CCSER1: variants seen among roughly 807,000 people sequenced by gnomAD.
CCSER1 encodes serine-rich coiled-coil domain-containing protein 1.
Under a neutral mutation model 82.0 loss-of-function variants are expected in CCSER1, and 41 were observed. The ratio of observed to expected loss-of-function variants is 0.50; its 90% CI spans 0.39 to 0.65. The LOEUF (loss-of-function observed/expected upper bound fraction) is 0.65. Ranked by LOEUF, CCSER1 falls within the 30% of genes least tolerant of loss-of-function variation. The pLI is 0.00. For missense variants in CCSER1, 1,119 were observed against 1,064.2 expected (o/e 1.05, Z -0.72); for synonymous variants, 414 against 383.9 (o/e 1.08, Z -0.92).
In CCSER1 at chr4:90,797,564, T is replaced by C. The variant is rs1756212546; in HGVS notation, c.2011-18198T>C. 2.6e-5 allele frequency among the ~76,000 whole-genome samples: 4 copies of C among 152,212 alleles called. No homozygotes were observed. In the South Asian group the frequency reaches 6.2e-4, roughly 24 times the overall value. The stretch of plus-strand genomic sequence containing the variant: ...GCTACTTGTTTATGTGGTTGCTTCA[T>C]AGTGTCACTGATCTGTAATTTAGTT... On this transcript the variant is annotated intron_variant, in intron 7 of 10. Coordinates refer to ENST00000509176, the MANE Select transcript of CCSER1 (RefSeq NM_001145065.2).
chr4:90,766,151 A>G (rs529854136), intron 7 of CCSER1, among the ~76,000 whole-genome samples: 33 of 152,306 alleles, frequency 2.2e-4, no homozygotes, highest in Non-Finnish European at 3.5e-4. Flanking sequence ...GACTTGTCAT[A>G]TGCCAAAATC....
At chr4:91,091,057 C>T (rs1251135472) in intron 10 of CCSER1, among the ~76,000 whole-genome samples, 3 of 152,180 alleles carry the variant, frequency 2.0e-5, no homozygotes, top group Non-Finnish European at 4.4e-5. Context: ...GACCAGTACC[C>T]ACATTTTTTT....
chr4:90,909,742 G>T (rs1027384907), intron 8 of CCSER1, among the ~76,000 whole-genome samples: 1 of 152,042 alleles, frequency 6.6e-6, no homozygotes, highest in Admixed American at 6.6e-5. Flanking sequence ...TATTAAACTA[G>T]AAGAAATGGA....
intron 10 of CCSER1, among the ~76,000 whole-genome samples, chr4:91,300,804 G>A (rs1243975198): frequency 2.0e-5 from 3 of 151,812 alleles, no homozygotes; most frequent in Non-Finnish European, 4.4e-5. Flanking sequence ...TAACATGAAT[G>A]ATATATGATA....
chr4:90,485,957 A>T (rs1766972802), intron 5 of CCSER1, among the ~76,000 whole-genome samples: 1 of 152,114 alleles, frequency 6.6e-6, no homozygotes, highest in African/African-American at 2.4e-5. Flanking sequence ...TGTTTTGAAA[A>T]GTCACTTCTT....
intron 8 of CCSER1, among the ~76,000 whole-genome samples, chr4:90,829,979 C>A (rs1561210435): frequency 6.6e-6 from 1 of 152,178 alleles, no homozygotes; most frequent in Non-Finnish European, 1.5e-5. Context: ...AACACTCATG[C>A]CCAAGAAGCT....
intron 10 of CCSER1, among the ~76,000 whole-genome samples, chr4:91,581,519 A>G (rs1401126537): frequency 6.6e-6 from 1 of 151,644 alleles, no homozygotes; most frequent in African/African-American, 2.4e-5. Flanking sequence ...GTGTGGGATC[A>G]TTGTCTATAC....
chr4:90,978,417 C>T (rs1215106720), intron 9 of CCSER1, among the ~76,000 whole-genome samples: 1 of 151,594 alleles, frequency 6.6e-6, no homozygotes, highest in Non-Finnish European at 1.5e-5. Context: ...AGATCCTAAT[C>T]TGCCACTTTA....
chr4:90,628,261 T>C (rs1723693829), intron 6 of CCSER1, 29 bp downstream of exon 6: 2 of 1,561,652 alleles, frequency 1.3e-6, no homozygotes, highest in South Asian at 2.2e-5. Context: ...ATTAATGTCC[T>C]TCAGTGCTGG....
At chr4:91,346,428 A>G (rs1748062714) in intron 10 of CCSER1, among the ~76,000 whole-genome samples, 1 of 152,232 alleles carries the variant, frequency 6.6e-6, no homozygotes, top group Non-Finnish European at 1.5e-5. Flanking sequence ...AATTGTGATT[A>G]AAACTGCGGT....
At position 91,536,578 on chromosome 4, in the gene CCSER1, G is replaced by A. The variant is rs540236607; in HGVS notation, c.2218-61994G>A. On this transcript the variant is annotated intron_variant, in intron 10 of 10. Transcript: ENST00000509176. ...GAAGAAAGAGGGCAGGAGATTTAAA[G>A]GATCAAGGAGAGTGACTTTGGATAA... Among the ~76,000 whole-genome samples the A allele has an allele frequency of 3.3e-5, 5 of 152,154 alleles. No individual in the cohort carries two copies. The South Asian group carries it at 1.0e-3, about 31-fold the overall frequency.
At chr4:91,378,690 C>G (rs893131511) in intron 10 of CCSER1, among the ~76,000 whole-genome samples, 3 of 152,144 alleles carry the variant, frequency 2.0e-5, no homozygotes, top group Non-Finnish European at 2.9e-5. Flanking sequence ...ATCTTGTCAT[C>G]TGCAAAGAGG....
chr4:90,504,880 T>C (rs1390813596), intron 5 of CCSER1, among the ~76,000 whole-genome samples: 5 of 152,092 alleles, frequency 3.3e-5, no homozygotes, highest in Admixed American at 2.6e-4. Flanking sequence ...TGGTATTAAA[T>C]GCCAAAAAAC....
intron 10 of CCSER1, among the ~76,000 whole-genome samples, chr4:91,202,110 T>C (rs1301251259): frequency 6.6e-6 from 1 of 151,796 alleles, no homozygotes; most frequent in Admixed American, 6.6e-5. Flanking sequence ...TATTAATCTT[T>C]ATAGGTGCCT....
intron 10 of CCSER1, among the ~76,000 whole-genome samples, chr4:91,151,292 A>T (rs953162511): frequency 1.3e-5 from 2 of 151,984 alleles, no homozygotes; most frequent in Non-Finnish European, 2.9e-5. Flanking sequence ...GGTAGTTTGT[A>T]TCTCTGTGGG....
At chr4:90,942,964 A>ATC (rs1731772620) in intron 9 of CCSER1, among the ~76,000 whole-genome samples, 1 of 148,470 alleles carries the variant, frequency 6.7e-6, no homozygotes, top group Admixed American at 6.7e-5. Context: ...ATATATATAT[A>ATC]TTAAAGGAAG....
chr4:91,398,956 T>G (rs1240525974), intron 10 of CCSER1, among the ~76,000 whole-genome samples: 1 of 151,916 alleles, frequency 6.6e-6, no homozygotes, highest in African/African-American at 2.4e-5. Context: ...TTAAGAGAAT[T>G]CTGAATTATA....
chr4:91,125,018 G>T (rs1423246489), intron 10 of CCSER1, among the ~76,000 whole-genome samples: 2 of 151,688 alleles, frequency 1.3e-5, no homozygotes. Flanking sequence ...CTTCTTGGAT[G>T]TAAGTCCTAT....
chr4:91,182,362 G>C (rs1734123626), intron 10 of CCSER1, among the ~76,000 whole-genome samples: 1 of 152,200 alleles, frequency 6.6e-6, no homozygotes, highest in African/African-American at 2.4e-5. Flanking sequence ...CACCAAATCA[G>C]TTGTTCTGCT....
Sources: gnomAD v4.1 joint callset for allele counts (sites outside exome capture counted in the v4.1 genomes callset) on GRCh38, gnomAD v4.1.1 for gene constraint, MANE v1.5 for transcripts, NCBI Gene and HGNC (gene_info 2026-07-23, HGNC 2026-07-21) for gene names.